The following ZFHX3 variants were observed in gnomAD, a reference collection of about 807,000 sequenced individuals.
The protein encoded by ZFHX3 is zinc finger homeobox protein 3.
A neutral mutation model predicts 279.1 loss-of-function variants in ZFHX3; 42 were observed. The ratio of observed to expected loss-of-function variants is 0.15; its 90% confidence interval spans 0.12 to 0.19. The LOEUF (loss-of-function observed/expected upper bound fraction) is 0.19, where lower values mean the gene tolerates loss of function less well. Ranked by LOEUF, ZFHX3 falls within the 10% of genes least tolerant of loss-of-function variation. The pLI, the probability that ZFHX3 is intolerant of heterozygous loss-of-function variation, is 1.00. For synonymous variants in ZFHX3, 2,293 were observed against 1,957.8 expected (o/e 1.17, Z -4.52); for missense variants, 4,981 against 4,754.0 (o/e 1.05, Z -1.40).
chr16:73,587,420 C>T (rs1470603976), intron 2 of ZFHX3, among the ~76,000 whole-genome samples: 1 of 152,170 alleles, frequency 6.6e-6, no homozygotes. Flanking sequence ...GATGAAGCTG[C>T]ACCAAACATG....
At chr16:73,598,697 G>C (rs916880411) in intron 2 of ZFHX3, among the ~76,000 whole-genome samples, 4 of 152,030 alleles carry the variant, frequency 2.6e-5, no homozygotes, top group Non-Finnish European at 4.4e-5. Context: ...TGGGATTACA[G>C]GCATGAGCCA....
At chr16:73,144,680 T>C (rs1966856148) in intron 5 of ZFHX3, among the ~76,000 whole-genome samples, 1 of 152,136 alleles carries the variant, frequency 6.6e-6, no homozygotes, top group Admixed American at 6.5e-5. Context: ...GCAGAAGACA[T>C]TCCCTAACCT....
intron 1 of ZFHX3, among the ~76,000 whole-genome samples, chr16:73,690,634 C>G (rs1567553022): frequency 6.6e-6 from 1 of 152,178 alleles, no homozygotes; most frequent in Non-Finnish European, 1.5e-5. Flanking sequence ...TGGGCATGAC[C>G]ATGCAACTTA....
At chr16:73,869,955 C>T (rs1962119987) in intron 1 of ZFHX3, among the ~76,000 whole-genome samples, 3 of 152,286 alleles carry the variant, frequency 2.0e-5, no homozygotes, top group African/African-American at 7.2e-5. Context: ...TCATTCAGTC[C>T]AATTCTCGTG....
chr16:73,188,112 C>T (rs1292678321), intron 5 of ZFHX3, among the ~76,000 whole-genome samples: 7 of 152,200 alleles, frequency 4.6e-5, no homozygotes, highest in African/African-American at 7.2e-5. Context: ...CCGCCTGCCT[C>T]GGCCTCCCAA....
At chr16:73,254,735 A>G in intron 5 of ZFHX3, among the ~76,000 whole-genome samples, 1 of 152,192 alleles carries the variant, frequency 6.6e-6, no homozygotes, top group South Asian at 2.1e-4. Flanking sequence ...TATTGATCTC[A>G]TCTTCATTGC....
At chr16:73,576,695 T>C (rs991191360) in intron 2 of ZFHX3, among the ~76,000 whole-genome samples, 16 of 117,290 alleles carry the variant, frequency 1.4e-4, no homozygotes, top group African/African-American at 7.0e-4. Flanking sequence ...TAAAGAACAT[T>C]AAAAAAACAA....
rs1249887450 is a variant in ZFHX3 at position 72,959,195 on chromosome 16, A to C, written c.951T>G (p.Leu317=). 4 of 1,614,200 alleles carry C rather than the reference A, an allele frequency of 2.5e-6. No individual in the cohort carries two copies. Among genetic ancestry groups the C allele is most frequent in the Non-Finnish European group, 3.4e-6 (4 of 1,180,020 alleles). ...MTLSEDERKI[L]SNKNISAIIQ... ...TGATAGCGGAGATGTTCTTATTGCT[A>C]AGAATTTTCCGCTCGTCTTCGCTCA... The change falls in exon 2 of 10, where the codon CTT becomes CTG. Residue 317 remains leucine (L), a synonymous_variant. Coordinates refer to ENST00000268489, the MANE Select transcript of ZFHX3 (RefSeq NM_006885.4).
chr16:72,789,087 C>G (rs527515736), intron 9 of ZFHX3: 1 of 419,140 alleles, frequency 2.4e-6, no homozygotes, highest in East Asian at 3.6e-5. Flanking sequence ...CAAACAACTT[C>G]CAGAAGTATC....
intron 5 of ZFHX3, among the ~76,000 whole-genome samples, chr16:72,819,106 TAG>T (rs1308454512): frequency 6.6e-6 from 1 of 152,196 alleles, no homozygotes; most frequent in African/African-American, 2.4e-5. Context: ...AAGAACAGCA[TAG>T]AGAGGACCCA....
At chr16:73,515,247 A>C (rs1399174831) in intron 2 of ZFHX3, among the ~76,000 whole-genome samples, 1 of 152,200 alleles carries the variant, frequency 6.6e-6, no homozygotes, top group Non-Finnish European at 1.5e-5. Context: ...AAACTTCCTC[A>C]GTTGCCAATT....
chr16:73,293,824 A>G (rs143445859), intron 4 of ZFHX3: 1 of 152,352 alleles, frequency 6.6e-6, no homozygotes, highest in Non-Finnish European at 1.5e-5. Context: ...GGCAAAGTCA[A>G]CGTGGATAAA....
chr16:73,262,645 A>G (rs1339824941), intron 4 of ZFHX3, among the ~76,000 whole-genome samples: 1 of 152,206 alleles, frequency 6.6e-6, no homozygotes, highest in Non-Finnish European at 1.5e-5. Context: ...GCCCTAGAAC[A>G]TAGGAGGTAG....
intron 3 of ZFHX3, 59 bp from the exon 4 acceptor site, chr16:72,890,021 C>G: frequency 3.4e-6 from 5 of 1,468,366 alleles, no homozygotes; most frequent in East Asian, 2.4e-5. Flanking sequence ...CGGCCACTGG[C>G]ATCAGCCCAC....
intron 2 of ZFHX3, among the ~76,000 whole-genome samples, chr16:73,677,570 A>G (rs182853053): frequency 2.0e-4 from 30 of 152,082 alleles, no homozygotes; most frequent in African/African-American, 6.5e-4. Flanking sequence ...AAAAAGATAT[A>G]TTAAGAATAA....
intron 2 of ZFHX3, among the ~76,000 whole-genome samples, chr16:73,588,450 G>A (rs754340057): frequency 6.6e-6 from 1 of 151,950 alleles, no homozygotes; most frequent in Non-Finnish European, 1.5e-5. Flanking sequence ...ACTTTGGGAG[G>A]CCGAGACAGG....
chr16:73,450,056 A>G (rs1240458772), intron 3 of ZFHX3, among the ~76,000 whole-genome samples: 1 of 152,186 alleles, frequency 6.6e-6, no homozygotes, highest in African/African-American at 2.4e-5. Flanking sequence ...AAGGTGTACA[A>G]TGTGATAATT....
At chr16:72,944,993 C>T (rs978600422) in intron 3 of ZFHX3, among the ~76,000 whole-genome samples, 2 of 151,636 alleles carry the variant, frequency 1.3e-5, no homozygotes, top group Non-Finnish European at 2.9e-5. Context: ...GATTTCAGTT[C>T]CATTATGTGG....
Position 73,023,079 on chromosome 16 carries a change from T to A in ZFHX3, c.-50+24673A>T, listed in dbSNP as rs550418116. The stretch of plus-strand genomic sequence containing the variant: ...CCCATCTCTACTAAAAATAAAAAAT[T>A]AGCCTGGCGTGGTGGCCCATGCCTA... On this transcript the variant is annotated intron_variant, in intron 1 of 9. Coordinates refer to ENST00000268489, the MANE Select transcript of ZFHX3 (RefSeq NM_006885.4). Among the ~76,000 whole-genome samples, 6 of 152,224 alleles carry A rather than the reference T, an allele frequency of 3.9e-5. No individual in the cohort carries two copies. The South Asian group carries it at 1.2e-3, about 32-fold the overall frequency.
Sources: allele counts gnomAD v4.1 joint callset (sites outside exome capture counted in the v4.1 genomes callset), GRCh38; gene constraint gnomAD v4.1.1; transcripts MANE v1.5; gene names NCBI Gene and HGNC (gene_info 2026-07-23, HGNC 2026-07-21).